Variants in DLG2 observed in about 807,000 individuals in gnomAD.
The protein encoded by DLG2 is disks large homolog 2.
A neutral mutation model predicts 132.5 loss-of-function variants in DLG2; 45 were observed. The observed-to-expected ratio is 0.34, with a 90% CI of 0.27 to 0.44. DLG2 has a LOEUF of 0.44. Among genes scored for constraint, DLG2 ranks in the 20% least tolerant of loss-of-function variants. The pLI, the probability that DLG2 is intolerant of heterozygous loss-of-function variation, is 1.00. For synonymous variants in DLG2, 424 were observed against 419.6 expected, an observed-to-expected ratio of 1.01 and a Z score of -0.13; for missense variants, 1,045 against 1,196.9, an observed-to-expected ratio of 0.87 and a Z score of 1.87.
At chr11:84,197,077 C>T (rs1453430612) in intron 8 of DLG2, among the ~76,000 whole-genome samples, 4 of 136,902 alleles carry the variant, frequency 2.9e-5, no homozygotes, top group Non-Finnish European at 4.8e-5. Context: ...AAAAAAAAAA[C>T]GAAAGAAAGA....
At chr11:84,315,339 A>G (rs1352235468) in intron 7 of DLG2, among the ~76,000 whole-genome samples, 2 of 152,162 alleles carry the variant, frequency 1.3e-5, no homozygotes, top group Admixed American at 1.3e-4. Context: ...TTACGAAATA[A>G]AAAGTATGTT....
chr11:84,481,151 A>G (rs985616642), intron 7 of DLG2, among the ~76,000 whole-genome samples: 1 of 152,160 alleles, frequency 6.6e-6, no homozygotes, highest in Non-Finnish European at 1.5e-5. Context: ...TTAGCGCTCA[A>G]TGAACAGTAC....
intron 7 of DLG2, among the ~76,000 whole-genome samples, chr11:84,467,073 A>C (rs2099096446): frequency 6.6e-6 from 1 of 151,302 alleles, no homozygotes. Flanking sequence ...GACCGTATCT[A>C]GCACAAAGAT....
In DLG2 at chr11:84,693,361, G is replaced by A. The variant is rs552556851; in HGVS notation, c.358-158630C>T. Among the ~76,000 whole-genome samples, 11 of 151,722 alleles carry A rather than the reference G, an allele frequency of 7.3e-5. No individual in the cohort carries two copies. The South Asian group carries it at 1.5e-3, about 20-fold the overall frequency. ...GCTGGGATTATTCTGTTGCTGACTC[G>A]AGTTACCAGGATATCCTGAAGTGTT... On this transcript the variant is annotated intron_variant, in intron 6 of 27. Coordinates refer to ENST00000376104, the MANE Select transcript of DLG2 (RefSeq NM_001142699.3).
At position 84,647,442 on chromosome 11, in the gene DLG2, C is replaced by T. The variant is rs963587397; in HGVS notation, c.358-112711G>A. Among the ~76,000 whole-genome samples, 56 of 152,292 alleles carry T rather than the reference C, an allele frequency of 3.7e-4. 1 individual carries two copies. The highest frequency in any genetic ancestry group is 8.3e-4 in the South Asian group (4 of 4,822). ...GCAAGCATGCATCAAATCCTAGGCA[C>T]ATCAGACTACGATTATCTAGGTATT... On this transcript the variant is annotated intron_variant, in intron 6 of 27. Coordinates refer to ENST00000376104, the MANE Select transcript of DLG2 (RefSeq NM_001142699.3).
At chr11:85,122,976 T>TATATATA (rs60973860) in intron 5 of DLG2, among the ~76,000 whole-genome samples, 1 of 58,440 alleles carries the variant, frequency 1.7e-5, no homozygotes, top group Non-Finnish European at 3.1e-5. Context: ...TATATTTTTT[T>TATATATA]TTTTTTTTTT....
At chr11:85,043,301 T>C (rs895172635) in intron 6 of DLG2, among the ~76,000 whole-genome samples, 1 of 151,858 alleles carries the variant, frequency 6.6e-6, no homozygotes, top group East Asian at 1.9e-4. Context: ...AGAATCTTAA[T>C]GTATCAAATT....
chr11:84,445,553 T>C (rs1372667435), intron 7 of DLG2, among the ~76,000 whole-genome samples: 2 of 152,170 alleles, frequency 1.3e-5, no homozygotes, highest in East Asian at 1.9e-4. Context: ...GGTTTTACTA[T>C]AATATTTTCT....
At chr11:84,293,462 T>C (rs1239083119) in intron 7 of DLG2, among the ~76,000 whole-genome samples, 3 of 152,116 alleles carry the variant, frequency 2.0e-5, no homozygotes, top group Non-Finnish European at 4.4e-5. Flanking sequence ...TCACCTGAGC[T>C]CAGGAGTTCA....
At chr11:85,269,689 C>T (rs545485564) in intron 4 of DLG2, among the ~76,000 whole-genome samples, 12 of 152,176 alleles carry the variant, frequency 7.9e-5, no homozygotes, top group Admixed American at 5.2e-4. Flanking sequence ...CAAGCATAAT[C>T]GTACCAATTC....
intron 14 of DLG2, among the ~76,000 whole-genome samples, chr11:83,947,251 GT>G (rs760860042): frequency 1.3e-5 from 2 of 151,712 alleles, no homozygotes; most frequent in Non-Finnish European, 2.9e-5. Flanking sequence ...TTTTTTTTAA[GT>G]TTTTAAATGA....
intron 7 of DLG2, among the ~76,000 whole-genome samples, chr11:84,299,115 T>A (rs1230599714): frequency 2.0e-5 from 3 of 152,000 alleles, no homozygotes; most frequent in African/African-American, 7.3e-5. Flanking sequence ...CTTTGAAAAA[T>A]CCTAGGATAA....
At chr11:85,606,907 C>G (rs569915361) in intron 2 of DLG2, among the ~76,000 whole-genome samples, 1 of 152,154 alleles carries the variant, frequency 6.6e-6, no homozygotes, top group Non-Finnish European at 1.5e-5. Flanking sequence ...CTGGACACAT[C>G]CAAACATCAG....
At chr11:85,169,581 C>A (rs529701212) in intron 4 of DLG2, among the ~76,000 whole-genome samples, 143 of 152,116 alleles carry the variant, frequency 9.4e-4, no homozygotes, top group African/African-American at 3.3e-3. Context: ...TGATTGGGCC[C>A]AAAGAACAGA....
At chr11:83,595,821 A>G (rs1191965824) in intron 19 of DLG2, among the ~76,000 whole-genome samples, 1 of 152,240 alleles carries the variant, frequency 6.6e-6, no homozygotes, top group East Asian at 1.9e-4. Flanking sequence ...AAAAACAAAC[A>G]AAAGTCTGCC....
intron 19 of DLG2, among the ~76,000 whole-genome samples, chr11:83,616,839 TCAAGAGC>T (rs1475843615): frequency 6.6e-6 from 1 of 152,220 alleles, no homozygotes; most frequent in Admixed American, 6.5e-5. Flanking sequence ...TGAGGTTGGG[TCAAGAGC>T]CATTTTTAAA....
rs536117788 is a variant in DLG2 at position 84,609,059 on chromosome 11, C to T, written c.358-74328G>A. Among the ~76,000 whole-genome samples, 16 of 152,236 alleles carry T rather than the reference C, an allele frequency of 1.1e-4. No homozygotes were observed. In the South Asian group the frequency reaches 2.7e-3, roughly 26 times the overall value. On this transcript the variant is annotated intron_variant, in intron 6 of 27. Transcript: ENST00000376104. ...ATCCCTACGCTGCCTCTTAATGCTA[C>T]GTGATGTTACTACATATAGTAAGAC...
intron 7 of DLG2, among the ~76,000 whole-genome samples, chr11:84,263,022 T>C (rs953389804): frequency 2.0e-5 from 3 of 152,182 alleles, no homozygotes; most frequent in Non-Finnish European, 2.9e-5. Context: ...CAAGGAATTA[T>C]GTTCCTAATA....
At chr11:83,511,370 G>A (rs764623476) in intron 21 of DLG2, among the ~76,000 whole-genome samples, 2 of 152,104 alleles carry the variant, frequency 1.3e-5, no homozygotes, top group Non-Finnish European at 2.9e-5. Flanking sequence ...TACGGTGCCT[G>A]GAAAATTGTG....
Sources: gnomAD v4.1 joint callset for allele counts (sites outside exome capture counted in the v4.1 genomes callset) on GRCh38, gnomAD v4.1.1 for gene constraint, MANE v1.5 for transcripts, NCBI Gene and HGNC (gene_info 2026-07-23, HGNC 2026-07-21) for gene names.